IQGAP3: variants seen among roughly 807,000 people sequenced by gnomAD.
The protein encoded by IQGAP3 is IQ motif containing GTPase activating protein 3, also known as ras GTPase-activating-like protein IQGAP3.
IQGAP3 carries 165 observed loss-of-function variants against 208.2 expected under a neutral mutation model. That is an observed-to-expected ratio of 0.79 (90% CI 0.70 to 0.90). IQGAP3 has a LOEUF of 0.90. IQGAP3 is among the 40% of genes least tolerant of loss of function. IQGAP3 has a pLI of 0.00. For missense variants in IQGAP3, 1,811 were observed against 2,043.1 expected, an observed-to-expected ratio of 0.89 and a Z score of 2.19; for synonymous variants, 703 against 803.6, an observed-to-expected ratio of 0.87 and a Z score of 2.12.
chr1:156,571,980 T>G (rs867717720), intron 1 of IQGAP3, among the ~76,000 whole-genome samples: 1 of 152,232 alleles, frequency 6.6e-6, no homozygotes, highest in South Asian at 2.1e-4. Flanking sequence ...ATGCAGATTA[T>G]GGGCCCCAAA....
At chr1:156,562,032 G>A (rs1417963952) in intron 9 of IQGAP3, 31 bp from the exon 10 acceptor site, 2 of 1,561,814 alleles carry the variant, frequency 1.3e-6, no homozygotes, top group Non-Finnish European at 8.7e-7. Context: ...AATGGACAGT[G>A]TGAGAAAGCC....
chr1:156,563,657 A>G lies in IQGAP3; in HGVS notation c.515T>C (p.Leu172Pro). The part of the protein sequence containing the change: ...YGKVKFTAEE[L>P]SNMASELAKY... ...GGCCAGTTCGGACGCCATGTTGCTG[A>G]GTTCCTCAGCTGCAATGATGCCACA... is the stretch of plus-strand genomic sequence containing the variant. Residue 172 changes from leucine (L) to proline (P), a missense_variant, in exon 7 of 38, where the codon CTC becomes CCC. Leu to Pro is a moderately conservative substitution (Grantham distance 98). Transcript: ENST00000361170. 1 of 1,612,726 alleles carries G rather than the reference A, an allele frequency of 6.2e-7. No homozygotes were observed. The highest frequency in any genetic ancestry group is 8.5e-7 in the Non-Finnish European group (1 of 1,179,490).
At chr1:156,569,188 G>A (rs957481971) in intron 2 of IQGAP3, among the ~76,000 whole-genome samples, 188 bp downstream of exon 2, 8 of 151,320 alleles carry the variant, frequency 5.3e-5, no homozygotes, top group African/African-American at 1.2e-4. Context: ...TACATATTGC[G>A]GTATATAGTG....
Position 156,556,612 on chromosome 1 carries a change from T to C in IQGAP3, c.1211A>G (p.Glu404Gly), listed in dbSNP as rs771308861. The C allele has an allele frequency of 6.2e-7, 1 of 1,612,808 alleles. No homozygotes were observed. Among genetic ancestry groups the C allele is most frequent in the Non-Finnish European group, 8.5e-7 (1 of 1,179,224 alleles). Residue 404 changes from glutamate (E) to glycine (G), a missense_variant, in exon 12 of 38, where the codon GAG becomes GGG. Transcript: ENST00000361170. ...ADTVKELMCP[E>G]AQLPPVYPVA... ...AGGGTACACTGGAGGCAGCTGGGCC[T>C]CAGGGCACATCAGCTCCTTCACAGT...
At chr1:156,551,305 C>T (rs1675534019) in intron 15 of IQGAP3, among the ~76,000 whole-genome samples, 1 of 152,214 alleles carries the variant, frequency 6.6e-6, no homozygotes, top group South Asian at 2.1e-4. Flanking sequence ...CTGCAACATA[C>T]TCAGGGTGTT....
intron 19 of IQGAP3, 118 bp from the exon 20 acceptor site, chr1:156,544,590 G>A: frequency 2.5e-6 from 2 of 804,648 alleles, no homozygotes; most frequent in South Asian, 3.0e-5. Context: ...TTAAATAGAG[G>A]GGGAAGGGGA....
intron 15 of IQGAP3, 105 bp downstream of exon 15, chr1:156,551,600 G>A (rs1675548675): frequency 1.7e-6 from 2 of 1,203,796 alleles, no homozygotes; most frequent in South Asian, 3.3e-5. Flanking sequence ...CCACCCAGAA[G>A]CCATTGTGTC....
intron 7 of IQGAP3, 76 bp from the exon 8 acceptor site, chr1:156,563,388 T>G: frequency 6.8e-7 from 1 of 1,463,260 alleles, no homozygotes; most frequent in South Asian, 1.3e-5. Context: ...AGCAGCCCAC[T>G]CTAATGTCAT....
intron 12 of IQGAP3, 51 bp downstream of exon 12, chr1:156,556,482 C>T (rs1675825584): frequency 1.9e-6 from 3 of 1,598,004 alleles, no homozygotes; most frequent in East Asian, 4.5e-5. Context: ...TGTCCTGATC[C>T]CTCCAGCTGC....
At chr1:156,534,911 G>C (rs1490402532) in intron 28 of IQGAP3, among the ~76,000 whole-genome samples, 178 bp from the exon 29 acceptor site, 1 of 152,196 alleles carries the variant, frequency 6.6e-6, no homozygotes, top group Non-Finnish European at 1.5e-5. Context: ...CTGAGCAAGA[G>C]CTGGGACTTG....
At chr1:156,530,081 C>A in intron 34 of IQGAP3, 24 bp downstream of exon 34, 1 of 1,557,912 alleles carries the variant, frequency 6.4e-7, no homozygotes, top group Admixed American at 1.9e-5. Flanking sequence ...CACAGGCACA[C>A]GGAGCCCAGG....
At chr1:156,529,423 G>C (rs780402297) in intron 34 of IQGAP3, among the ~76,000 whole-genome samples, 37 of 151,970 alleles carry the variant, frequency 2.4e-4, no homozygotes, top group Non-Finnish European at 4.9e-4. Flanking sequence ...ACATTACCCA[G>C]CTAATGTGGG....
Position 156,538,950 on chromosome 1 carries a change from C to CGCCCA in IQGAP3, c.3135_3139dup (p.Arg1047LeufsTer20). On this transcript the variant is annotated frameshift_variant, in exon 26 of 38. Transcript: ENST00000361170. LOFTEE classifies it high-confidence loss of function. ...AATCTCCTGCAGGGCACTCTGTCCC[C>CGCCCA]GCCCATTACGGTAGAATCTCACCAC... The CGCCCA allele has an allele frequency of 6.2e-7, 1 of 1,614,148 alleles. No homozygotes were observed. The highest frequency in any genetic ancestry group is 8.5e-7 in the Non-Finnish European group (1 of 1,180,010).
chr1:156,564,817 T>A, intron 4 of IQGAP3, 126 bp from the exon 5 acceptor site: 1 of 703,630 alleles, frequency 1.4e-6, no homozygotes, highest in South Asian at 1.6e-5. Flanking sequence ...TTACCTGGGG[T>A]GTCTAGGTCA....
intron 36 of IQGAP3, among the ~76,000 whole-genome samples, chr1:156,528,300 C>G (rs1208071282): frequency 6.6e-6 from 1 of 152,230 alleles, no homozygotes; most frequent in African/African-American, 2.4e-5. Context: ...TCCCAGTACC[C>G]TCTGCCTCAG....
rs748186513 is a variant in IQGAP3 at position 156,548,434 on chromosome 1, A to G, written c.2047T>C (p.Phe683Leu). 1 of 1,613,780 alleles carries G rather than the reference A, an allele frequency of 6.2e-7. No individual in the cohort carries two copies. The highest frequency in any genetic ancestry group is 1.3e-5 in the African/African-American group (1 of 74,818). Residue 683 changes from phenylalanine (F) to leucine (L), a missense_variant, in exon 18 of 38, where the codon TTC (phenylalanine) becomes CTC (leucine). Transcript: ENST00000361170. Reference sequence around the variant, plus strand: ...ATCCCCTGGAAGGTCTGCAGATGGAAGTAGTAGGCAGTGCCATCCTTCATG... The same window carrying G: ...ATCCCCTGGAAGGTCTGCAGATGGAGGTAGTAGGCAGTGCCATCCTTCATG... The part of the protein sequence containing the change: ...HDMKDGTAYY[F>L]HLQTFQGIWE...
At chr1:156,569,712 G>T (rs763628252) in intron 1 of IQGAP3, among the ~76,000 whole-genome samples, 4 of 151,786 alleles carry the variant, frequency 2.6e-5, no homozygotes, top group Non-Finnish European at 4.4e-5. Context: ...GTAGAGACAG[G>T]GTTTCACCAT....
chr1:156,548,072 C>A lies in IQGAP3; in HGVS notation c.2304+1G>T. 1 of 1,612,500 alleles carries A rather than the reference C, an allele frequency of 6.2e-7. No individual in the cohort carries two copies. The highest frequency in any genetic ancestry group is 8.5e-7 in the Non-Finnish European group (1 of 1,179,234). Reference sequence around the variant, plus strand: ...AGACTGAGAAAGCCAGAGCCTGCCACCTGGATCTTGATGACTGCTGGGAGC... The same window carrying A: ...AGACTGAGAAAGCCAGAGCCTGCCAACTGGATCTTGATGACTGCTGGGAGC... On this transcript the variant is annotated splice_donor_variant, in intron 19 of 37. Coordinates refer to ENST00000361170, the MANE Select transcript of IQGAP3 (RefSeq NM_178229.5). LOFTEE classifies it high-confidence loss of function.
In IQGAP3 at chr1:156,548,108, GA is replaced by G; in HGVS notation, c.2268del (p.Leu757Ter). On this transcript the variant is annotated frameshift_variant, in exon 19 of 38. Coordinates refer to ENST00000361170, the MANE Select transcript of IQGAP3 (RefSeq NM_178229.5). LOFTEE classifies it high-confidence loss of function. ...VRQKFAEHSH[F>X]LRTWLPAVIK... ...ATGACTGCTGGGAGCCAGGTCCTCA[GA>G]AAGTGGGAATGCTCAGCAAACTTCT... The G allele has an allele frequency of 1.9e-6, 3 of 1,613,784 alleles. No individual in the cohort carries two copies. The highest frequency in any genetic ancestry group is 2.5e-6 in the Non-Finnish European group (3 of 1,179,814).
Sources: gnomAD v4.1 joint callset for allele counts (sites outside exome capture counted in the v4.1 genomes callset) on GRCh38, gnomAD v4.1.1 for gene constraint, MANE v1.5 for transcripts, NCBI Gene and HGNC (gene_info 2026-07-23, HGNC 2026-07-21) for gene names.